Variants in PTPRQ observed in about 807,000 individuals in gnomAD.
PTPRQ encodes the protein phosphatidylinositol phosphatase PTPRQ.
Under a neutral mutation model 246.0 loss-of-function variants are expected in PTPRQ, and 199 were observed. The observed-to-expected ratio is 0.81, with a 90% confidence interval of 0.72 to 0.91. The LOEUF (loss-of-function observed/expected upper bound fraction) is 0.91, where lower values mean the gene tolerates loss of function less well. PTPRQ is among the 40% of genes least tolerant of loss of function. The probability of loss-of-function intolerance (pLI) is 0.00; values close to 1 mark genes in which losing one functional copy is unlikely to be tolerated. For synonymous variants in PTPRQ, 869 were observed against 853.2 expected (o/e 1.02, Z -0.32); for missense variants, 2,624 against 2,528.4 (o/e 1.04, Z -0.81).
intron 25 of PTPRQ, among the ~76,000 whole-genome samples, chr12:80,568,033 A>G (rs778022648): frequency 6.6e-6 from 1 of 152,200 alleles, no homozygotes; most frequent in Non-Finnish European, 1.5e-5. Context: ...CCATTCATAT[A>G]CAGGCAGTCT....
At chr12:80,584,175 A>G (rs1897537004) in intron 25 of PTPRQ, 1 of 152,164 alleles carries the variant, frequency 6.6e-6, no homozygotes, top group Non-Finnish European at 1.5e-5. Flanking sequence ...ATCTGTACCT[A>G]GATCAGTGTT....
chr12:80,500,780 A>G (rs1359072620), intron 14 of PTPRQ, among the ~76,000 whole-genome samples: 2 of 152,052 alleles, frequency 1.3e-5, no homozygotes, highest in East Asian at 1.9e-4. Flanking sequence ...GCAGTAAACA[A>G]GACACAATAA....
chr12:80,604,351 C>T (rs917439743), intron 26 of PTPRQ, among the ~76,000 whole-genome samples: 42 of 151,440 alleles, frequency 2.8e-4, no homozygotes, highest in African/African-American at 9.4e-4. Flanking sequence ...AGTGGCTTCA[C>T]AAATTGAAAT....
intron 26 of PTPRQ, among the ~76,000 whole-genome samples, chr12:80,601,208 T>A (rs1898132176): frequency 6.6e-6 from 1 of 151,822 alleles, no homozygotes; most frequent in Admixed American, 6.6e-5. Context: ...ACTTGTGTAT[T>A]ATATATTCAT....
chr12:80,539,921 T>C lies in PTPRQ; in HGVS notation c.3131T>C (p.Ile1044Thr), dbSNP rs538509833. Residue 1044 changes from isoleucine (I) to threonine (T), a missense_variant, in exon 20 of 45, where the codon ATT becomes ACT. Transcript: ENST00000644991. ...AATGGGAATAAAAGCAGTGACATCA[T>C]TGAAGTATACACAGATCAAGACAGT... is the stretch of plus-strand genomic sequence containing the variant. Reference protein sequence around the residue: ...VGNGNKSSDIIEVYTDQDIPE... With the variant: ...VGNGNKSSDITEVYTDQDIPE... 38 of 1,548,720 alleles carry C rather than the reference T, an allele frequency of 2.5e-5. No homozygotes were observed. In the African/African-American group the frequency reaches 4.2e-4, roughly 17 times the overall value.
Position 80,669,115 on chromosome 12 carries a change from C to T in PTPRQ, c.6301C>T (p.Leu2101=). The change falls in exon 40 of 45, where the codon CTA becomes TTA. Residue 2101 remains leucine, a synonymous_variant. Transcript: ENST00000644991. Reference sequence around the variant, plus strand: ...AACCAGAGCAAAAACATTAGTAATGCTAACACAGTGTTTTGAAAAAGGACG... The same window carrying T: ...AACCAGAGCAAAAACATTAGTAATGTTAACACAGTGTTTTGAAAAAGGACG... ...WETRAKTLVM[L]TQCFEKGRIR... 6.5e-7 allele frequency: 1 copy of T among 1,548,082 alleles called. No individual in the cohort carries two copies. The highest frequency in any genetic ancestry group is 8.7e-7 in the Non-Finnish European group (1 of 1,145,430).
rs1185493409 is a variant in PTPRQ, at chr12:80,617,449, TA to T, written c.5230+1188del. 2.0e-5 allele frequency among the ~76,000 whole-genome samples: 3 copies of T among 151,468 alleles called. No individual in the cohort carries two copies. The East Asian group carries it at 5.8e-4, about 29-fold the overall frequency. On this transcript the variant is annotated intron_variant, in intron 30 of 44. Coordinates refer to ENST00000644991, the MANE Select transcript of PTPRQ (RefSeq NM_001145026.2). ...GGGAAGTACAAATGCATAAGGTCTT[TA>T]AAAACATCAATTATTTCACAAAATG...
chr12:80,655,213 A>G (rs1900392907), intron 38 of PTPRQ, among the ~76,000 whole-genome samples: 1 of 152,188 alleles, frequency 6.6e-6, no homozygotes, highest in Non-Finnish European at 1.5e-5. Flanking sequence ...TAAAAAATTA[A>G]TCAGGTTTCC....
intron 25 of PTPRQ, among the ~76,000 whole-genome samples, chr12:80,585,941 A>T (rs1273182082): frequency 3.0e-5 from 4 of 131,446 alleles, no homozygotes; most frequent in Admixed American, 9.1e-5. Flanking sequence ...TGTCCATGTG[A>T]TCTCATTGTT....
chr12:80,673,993 G>C (rs1264432916), intron 43 of PTPRQ, among the ~76,000 whole-genome samples: 2 of 151,736 alleles, frequency 1.3e-5, no homozygotes, highest in Admixed American at 6.6e-5. Flanking sequence ...TTATTTGTAA[G>C]GCAGGGCCAG....
At chr12:80,520,501 C>A (rs996064651) in intron 17 of PTPRQ, among the ~76,000 whole-genome samples, 2 of 102,014 alleles carry the variant, frequency 2.0e-5, no homozygotes, top group African/African-American at 7.6e-5. Flanking sequence ...CTAATGCTAT[C>A]CCTCCCCCCT....
At chr12:80,655,792 A>G (rs1015803178) in intron 38 of PTPRQ, among the ~76,000 whole-genome samples, 2 of 152,216 alleles carry the variant, frequency 1.3e-5, no homozygotes, top group Admixed American at 6.5e-5. Context: ...AGCTAATAGA[A>G]TTTGAATTTT....
chr12:80,571,301 G>A (rs568320729), intron 25 of PTPRQ, among the ~76,000 whole-genome samples: 1 of 152,084 alleles, frequency 6.6e-6, no homozygotes, highest in African/African-American at 2.4e-5. Flanking sequence ...TGTGCCACCT[G>A]GCTAATTTTT....
chr12:80,616,503 T>C (rs1898768478), intron 30 of PTPRQ, among the ~76,000 whole-genome samples: 1 of 151,070 alleles, frequency 6.6e-6, no homozygotes, highest in South Asian at 2.1e-4. Context: ...TAATATATTT[T>C]ATATTTCTAA....
intron 9 of PTPRQ, among the ~76,000 whole-genome samples, chr12:80,485,587 C>G (rs992619540): frequency 1.1e-4 from 17 of 152,136 alleles, no homozygotes; most frequent in African/African-American, 4.1e-4. Context: ...ATTCTGGCCA[C>G]CCAGGACTTA....
At chr12:80,659,436 G>T (rs759367004) in intron 39 of PTPRQ, among the ~76,000 whole-genome samples, 8 of 151,960 alleles carry the variant, frequency 5.3e-5, no homozygotes, top group Non-Finnish European at 1.0e-4. Context: ...AGCAGGACAA[G>T]GACAACTGGT....
At position 80,457,605 on chromosome 12, in the gene PTPRQ, G is replaced by A. The variant is rs1184710456; in HGVS notation, c.421G>A (p.Val141Met). The change falls in exon 4 of 45, where the codon GTG becomes ATG. Residue 141 changes from valine to methionine, a missense_variant. By Grantham distance (21) the Val-to-Met change is conservative. Transcript: ENST00000644991. ...VAAENSAGIG[V>M]FSDPFLFQTA... ...TGCTGAAAACAGTGCTGGCATTGGA[G>A]TGTTTAGTGATCCATTTCTCTTCCA... The A allele has an allele frequency of 8.0e-5, 32 of 400,146 alleles. No homozygotes were observed. The East Asian group carries it at 1.1e-3, about 14-fold the overall frequency. 24.8% of individuals were successfully genotyped at this position (400,146 alleles called of 1,614,324 possible). A position where few individuals can be genotyped will look rare whatever the true frequency, so the allele number is the denominator to read the frequency against.
At chr12:80,480,120 G>T (rs1452203670) in intron 8 of PTPRQ, among the ~76,000 whole-genome samples, 1 of 152,084 alleles carries the variant, frequency 6.6e-6, no homozygotes, top group Non-Finnish European at 1.5e-5. Context: ...TACATACTTG[G>T]AAGTAAAGCT....
intron 42 of PTPRQ, among the ~76,000 whole-genome samples, chr12:80,672,926 G>C (rs1404806510): frequency 6.6e-6 from 1 of 152,022 alleles, no homozygotes; most frequent in Non-Finnish European, 1.5e-5. Flanking sequence ...AAGAGGTTAA[G>C]TTCCACTGAT....
Sources: gnomAD v4.1 joint callset for allele counts (sites outside exome capture counted in the v4.1 genomes callset) on GRCh38, gnomAD v4.1.1 for gene constraint, MANE v1.5 for transcripts, NCBI Gene and HGNC (gene_info 2026-07-23, HGNC 2026-07-21) for gene names.